SPATA13: variants seen among roughly 807,000 people sequenced by gnomAD.
The protein encoded by SPATA13 is spermatogenesis-associated protein 13.
SPATA13 carries 50 observed loss-of-function variants against 104.0 expected under a neutral mutation model. The ratio of observed to expected loss-of-function variants is 0.48; its 90% CI spans 0.38 to 0.61. The LOEUF (loss-of-function observed/expected upper bound fraction) is 0.61. Among genes scored for constraint, SPATA13 ranks in the 20% least tolerant of loss-of-function variants. The pLI, the probability that SPATA13 is intolerant of heterozygous loss-of-function variation, is 0.00. For missense variants in SPATA13, 1,524 were observed against 1,690.6 expected, an observed-to-expected ratio of 0.90 and a Z score of 1.73; for synonymous variants, 606 against 667.5, an observed-to-expected ratio of 0.91 and a Z score of 1.42.
chr13:24,120,474 A>G (rs555551781), intron 3 of SPATA13, among the ~76,000 whole-genome samples: 1 of 152,254 alleles, frequency 6.6e-6, no homozygotes, highest in South Asian at 2.1e-4. Context: ...AAATTTCTCC[A>G]CCTTTTGCAC....
chr13:24,067,064 T>G (rs1450540286), intron 3 of SPATA13, among the ~76,000 whole-genome samples: 2 of 152,184 alleles, frequency 1.3e-5, no homozygotes, highest in Non-Finnish European at 1.5e-5. Context: ...TGAAGTTGGT[T>G]GCATTTCTTT....
intron 3 of SPATA13, among the ~76,000 whole-genome samples, chr13:24,110,917 T>C (rs1394048731): frequency 1.4e-5 from 2 of 147,080 alleles, no homozygotes; most frequent in African/African-American, 5.4e-5. Flanking sequence ...CTTGATTATC[T>C]CTTTTTATTT....
chr13:24,201,328 C>T (rs892246495), intron 1 of SPATA13, among the ~76,000 whole-genome samples: 2 of 149,714 alleles, frequency 1.3e-5, no homozygotes, highest in Non-Finnish European at 2.9e-5. Flanking sequence ...ACTACCCCCT[C>T]TCCCCTGTTC....
intron 2 of SPATA13, among the ~76,000 whole-genome samples, chr13:23,999,368 C>CAAAAAAAAAA (rs34668799): frequency 0.035 from 3,323 of 93,968 alleles, 435 homozygotes; most frequent in Non-Finnish European, 0.042. Context: ...CATTTTCTAC[C>CAAAAAAAAAA]AAAAAAAAAA....
At chr13:24,062,453 G>A (rs376364119) in intron 3 of SPATA13, among the ~76,000 whole-genome samples, 22 of 152,286 alleles carry the variant, frequency 1.4e-4, no homozygotes, top group African/African-American at 5.3e-4. Context: ...GCACGGTGCT[G>A]GGAGCCAAGG....
chr13:24,164,375 A>G (rs1157090722), intron 1 of SPATA13, among the ~76,000 whole-genome samples: 1 of 151,018 alleles, frequency 6.6e-6, no homozygotes, highest in Non-Finnish European at 1.5e-5. Flanking sequence ...TCCCCAGGGA[A>G]CCTGCAGGGT....
chr13:24,166,317 CAGTT>C (rs1414484930), intron 1 of SPATA13, among the ~76,000 whole-genome samples: 2 of 152,078 alleles, frequency 1.3e-5, no homozygotes, highest in East Asian at 1.9e-4. Flanking sequence ...GTGTGGCAGT[CAGTT>C]AGGGGAGAAG....
intron 7 of SPATA13, among the ~76,000 whole-genome samples, chr13:24,288,557 TCCTTGGGTAAGA>T (rs1566195397): frequency 2.8e-5 from 2 of 72,724 alleles, no homozygotes; most frequent in Non-Finnish European, 7.0e-5. Context: ...GCTGGTGGAA[TCCTTGGGTAAGA>T]GGAATCCTTG....
intron 1 of SPATA13, among the ~76,000 whole-genome samples, chr13:24,184,917 C>T (rs2255675): frequency 0.2 from 30,749 of 152,076 alleles, 4,248 homozygotes; most frequent in African/African-American, 0.4. Flanking sequence ...ACGGAGTCTA[C>T]GGAAAATGAC....
intron 4 of SPATA13, among the ~76,000 whole-genome samples, chr13:24,272,022 G>A (rs891849389): frequency 1.1e-4 from 17 of 152,254 alleles, no homozygotes; most frequent in Non-Finnish European, 2.9e-5. Flanking sequence ...GACCACATGA[G>A]TGAGAGGGCT....
rs999191724 is a variant in SPATA13, at chr13:24,245,715, C to G, written c.1654-3762C>G. Reference sequence around the variant, plus strand: ...CAAGCAATCCTCCTGCCTCGGCCTCCCAAGTAGCTGGGACGACAGGCACAT... The same window carrying G: ...CAAGCAATCCTCCTGCCTCGGCCTCGCAAGTAGCTGGGACGACAGGCACAT... On this transcript the variant is annotated intron_variant, in intron 2 of 12. Coordinates refer to ENST00000382108, the MANE Select transcript of SPATA13 (RefSeq NM_001166271.3). Among the ~76,000 whole-genome samples the G allele has an allele frequency of 4.0e-5, 6 of 151,360 alleles. No individual in the cohort carries two copies. The South Asian group carries it at 1.0e-3, about 26-fold the overall frequency.
intron 2 of SPATA13, among the ~76,000 whole-genome samples, chr13:24,246,347 A>T (rs1232117366): frequency 6.6e-6 from 1 of 152,218 alleles, no homozygotes; most frequent in Non-Finnish European, 1.5e-5. Flanking sequence ...AGAGAAAATA[A>T]TATTAACCTT....
intron 1 of SPATA13, among the ~76,000 whole-genome samples, chr13:24,165,738 T>A (rs1256838876): frequency 6.6e-6 from 1 of 152,224 alleles, no homozygotes; most frequent in African/African-American, 2.4e-5. Flanking sequence ...ATCAGAACGT[T>A]GATCACATCT....
At chr13:24,029,284 A>G (rs1877368919) in intron 3 of SPATA13, among the ~76,000 whole-genome samples, 1 of 152,192 alleles carries the variant, frequency 6.6e-6, no homozygotes, top group South Asian at 2.1e-4. Flanking sequence ...CTTTTACAGA[A>G]ATAATTTTTG....
At chr13:24,031,349 C>A (rs1294707114) in intron 3 of SPATA13, among the ~76,000 whole-genome samples, 9 of 152,178 alleles carry the variant, frequency 5.9e-5, no homozygotes, top group Non-Finnish European at 1.3e-4. Flanking sequence ...CTGACTCTAG[C>A]ACACCAATTC....
chr13:24,161,660 G>A lies in SPATA13; in HGVS notation c.-112+728G>A, dbSNP rs1278547744. On this transcript the variant is annotated intron_variant, in intron 1 of 12. Transcript: ENST00000382108. The surrounding 1 kb of genome is among the most constrained non-coding windows in gnomAD (Gnocchi z 4.5). ...ACCCATCTGACTGCAAGGTTACAGA[G>A]CTTGAGCAAATTTCCCCTCCCTCCA... Among the ~76,000 whole-genome samples, 9 of 152,308 alleles carry A rather than the reference G, an allele frequency of 5.9e-5. No homozygotes were observed. In the East Asian group the frequency reaches 1.4e-3, roughly 23 times the overall value.
chr13:24,244,779 C>T (rs574730992), intron 2 of SPATA13, among the ~76,000 whole-genome samples: 1 of 152,326 alleles, frequency 6.6e-6, no homozygotes, highest in African/African-American at 2.4e-5. Context: ...GGGAGGATCA[C>T]CTGAGCCCAG....
intron 1 of SPATA13, among the ~76,000 whole-genome samples, chr13:24,213,141 T>G (rs1012680702): frequency 2.6e-5 from 4 of 152,188 alleles, no homozygotes; most frequent in African/African-American, 9.7e-5. Flanking sequence ...AGTGACTGCT[T>G]GTATTAAGGA....
chr13:24,009,940 G>A (rs1876395400), intron 2 of SPATA13, among the ~76,000 whole-genome samples: 1 of 152,178 alleles, frequency 6.6e-6, no homozygotes, highest in African/African-American at 2.4e-5. Flanking sequence ...AGATGGTTGG[G>A]GGGCTTACAA....
Sources: gnomAD v4.1 joint callset for allele counts (sites outside exome capture counted in the v4.1 genomes callset) on GRCh38, gnomAD v4.1.1 for gene constraint, Gnocchi (gnomAD v3.1) non-coding constraint, MANE v1.5 for transcripts, NCBI Gene and HGNC (gene_info 2026-07-23, HGNC 2026-07-21) for gene names.